COL28A1: variants seen among roughly 807,000 people sequenced by gnomAD.
The protein encoded by COL28A1 is collagen alpha-1(XXVIII) chain.
A neutral mutation model predicts 150.2 loss-of-function variants in COL28A1; 161 were observed. The observed-to-expected ratio is 1.07, with a 90% confidence interval of 0.94 to 1.22. COL28A1 has a LOEUF of 1.22. COL28A1 is among the 50% of genes most tolerant of loss of function. The pLI, the probability that COL28A1 is intolerant of heterozygous loss-of-function variation, is 0.00. For missense variants in COL28A1, 1,617 were observed against 1,388.3 expected, an observed-to-expected ratio of 1.16 and a Z score of -2.62; for synonymous variants, 552 against 469.7, an observed-to-expected ratio of 1.18 and a Z score of -2.26.
intron 33 of COL28A1, among the ~76,000 whole-genome samples, chr7:7,368,389 G>GCTT (rs1554259585): frequency 4.0e-5 from 6 of 150,126 alleles, no homozygotes; most frequent in Admixed American, 1.3e-4. Context: ...TTTGCCTACT[G>GCTT]TTTTTTTTGT....
intron 27 of COL28A1, 105 bp downstream of exon 27, chr7:7,417,754 C>G: frequency 1.1e-6 from 1 of 925,614 alleles, no homozygotes. Context: ...GCGAGGCTCA[C>G]AATAAATCTA....
intron 3 of COL28A1, among the ~76,000 whole-genome samples, chr7:7,527,443 A>G (rs1333763124): frequency 6.6e-6 from 1 of 152,234 alleles, no homozygotes; most frequent in Non-Finnish European, 1.5e-5. Context: ...GAAAAAAGTC[A>G]TAAGGACTAG....
At chr7:7,389,052 A>T (rs545403135) in intron 27 of COL28A1, among the ~76,000 whole-genome samples, 1 of 152,064 alleles carries the variant, frequency 6.6e-6, no homozygotes, top group South Asian at 2.1e-4. Flanking sequence ...TTGGTATTTT[A>T]GTCATGAAGC....
In COL28A1 at chr7:7,375,417, G is replaced by A. The variant is rs1436268977; in HGVS notation, c.2359+44C>T. Reference sequence around the variant, plus strand: ...CTGTCACCAGCACAGTACATAGTGGGGCTGATGCTTTAAAGTGATGTTTTT... The same window carrying A: ...CTGTCACCAGCACAGTACATAGTGGAGCTGATGCTTTAAAGTGATGTTTTT... On this transcript the variant is annotated intron_variant, in intron 31 of 34. Transcript: ENST00000399429. 1.9e-6 allele frequency: 3 copies of A among 1,542,034 alleles called. No homozygotes were observed. In the East Asian group the frequency reaches 6.9e-5, roughly 35 times the overall value.
At chr7:7,361,870 G>T in intron 33 of COL28A1, among the ~76,000 whole-genome samples, 1 of 139,064 alleles carries the variant, frequency 7.2e-6, no homozygotes, top group Non-Finnish European at 1.6e-5. Flanking sequence ...ATGAGTTCAT[G>T]TCCTTTGCAG....
intron 27 of COL28A1, among the ~76,000 whole-genome samples, chr7:7,410,005 A>C (rs1294601): frequency 0.15 from 22,694 of 152,190 alleles, 1,886 homozygotes; most frequent in Middle Eastern, 0.23. Flanking sequence ...ACAGCCTACT[A>C]TATCCTCAGA....
intron 27 of COL28A1, among the ~76,000 whole-genome samples, chr7:7,399,439 AGC>A (rs1783039349): frequency 1.3e-5 from 2 of 152,120 alleles, no homozygotes; most frequent in African/African-American, 4.8e-5. Context: ...TCTCCTTATT[AGC>A]CTTTCTACCT....
chr7:7,365,868 CA>C (rs1243788538), intron 33 of COL28A1, among the ~76,000 whole-genome samples: 3 of 152,120 alleles, frequency 2.0e-5, no homozygotes, highest in African/African-American at 7.2e-5. Flanking sequence ...CCCCAAGAAT[CA>C]AACACACTTC....
upstream of COL28A1, among the ~76,000 whole-genome samples, chr7:7,538,941 CCTTTCTTTCTTTCTTTTTTTCTTTTT>C (rs1193259062): frequency 6.6e-6 from 1 of 150,928 alleles, no homozygotes; most frequent in Non-Finnish European, 1.5e-5. Flanking sequence ...AAGATCCTTT[CCTTTCTTTCTTTCTTTTTTTCTTTTT>C]CTTTCTTTCT....
chr7:7,526,033 G>C (rs1782005644), intron 3 of COL28A1, among the ~76,000 whole-genome samples: 1 of 152,200 alleles, frequency 6.6e-6, no homozygotes, highest in South Asian at 2.1e-4. Context: ...TAAGAGCTAG[G>C]AGGTCCTATG....
chr7:7,478,833 C>T lies in COL28A1; in HGVS notation c.1165-1653G>A, dbSNP rs560360483. Among the ~76,000 whole-genome samples, 403 of 152,362 alleles carry T rather than the reference C, an allele frequency of 2.6e-3. 3 individuals are homozygous for T. Among genetic ancestry groups the T allele is most frequent in the African/African-American group, 9.1e-3 (377 of 41,592 alleles). On this transcript the variant is annotated intron_variant, in intron 13 of 34. Coordinates refer to ENST00000399429, the MANE Select transcript of COL28A1 (RefSeq NM_001037763.3). ...GGGGCGGCAGGGCCAGTCGGCTGCT[C>T]CAAGTGCGGGGCCCGCCAAGCCCAT...
At chr7:7,531,089 C>T (rs867345785) in intron 3 of COL28A1, among the ~76,000 whole-genome samples, 1 of 152,028 alleles carries the variant, frequency 6.6e-6, no homozygotes, top group Non-Finnish European at 1.5e-5. Context: ...TGGAAAATAA[C>T]CCCTTCCAAA....
intron 27 of COL28A1, among the ~76,000 whole-genome samples, chr7:7,384,341 G>A (rs1360413967): frequency 1.3e-5 from 2 of 152,086 alleles, no homozygotes; most frequent in African/African-American, 4.8e-5. Context: ...GAACAAGTAG[G>A]GATGATTGGT....
chr7:7,396,882 C>A (rs10952058), intron 27 of COL28A1, among the ~76,000 whole-genome samples: 22,167 of 152,128 alleles, frequency 0.15, 2,091 homozygotes, highest in African/African-American at 0.27. Flanking sequence ...TTAAAACCTG[C>A]ACCATTTGTA....
chr7:7,496,875 C>T (rs62453192), intron 11 of COL28A1, among the ~76,000 whole-genome samples: 6,659 of 152,154 alleles, frequency 0.044, 184 homozygotes, highest in Non-Finnish European at 0.063. Flanking sequence ...TATTCTAATA[C>T]TTTTCAAATG....
intron 27 of COL28A1, among the ~76,000 whole-genome samples, chr7:7,384,041 C>G (rs1019300104): frequency 6.6e-6 from 1 of 152,088 alleles, no homozygotes; most frequent in African/African-American, 2.4e-5. Context: ...CTCTAAGGTT[C>G]TTTTTATTCT....
chr7:7,541,653 T>A, the COL28A1 span, among the ~76,000 whole-genome samples: 15 of 152,184 alleles, frequency 9.9e-5, no homozygotes, highest in Non-Finnish European at 2.1e-4. Flanking sequence ...TGTTAACAGA[T>A]GAAAAATTTT....
chr7:7,386,643 C>G (rs570561359), intron 27 of COL28A1, among the ~76,000 whole-genome samples: 79 of 152,218 alleles, frequency 5.2e-4, no homozygotes, highest in African/African-American at 1.9e-3. Flanking sequence ...GATAGGACCC[C>G]TGGGAGCTGC....
In COL28A1 at chr7:7,462,187, T is replaced by C. The variant is rs548693035; in HGVS notation, c.1303-6075A>G. Among the ~76,000 whole-genome samples, 7 of 152,284 alleles carry C rather than the reference T, an allele frequency of 4.6e-5. No homozygotes were observed. The South Asian group carries it at 1.5e-3, about 32-fold the overall frequency. ...ATCCCTAGAAAAAGGATGAGACTAC[T>C]AAATCAAGGAAACACCCCATGGGAC... is the stretch of plus-strand genomic sequence containing the variant. On this transcript the variant is annotated intron_variant, in intron 15 of 34. Transcript: ENST00000399429.
Sources: gnomAD v4.1 joint callset for allele counts (sites outside exome capture counted in the v4.1 genomes callset) on GRCh38, gnomAD v4.1.1 for gene constraint, MANE v1.5 for transcripts, NCBI Gene and HGNC (gene_info 2026-07-23, HGNC 2026-07-21) for gene names.